Variants in HDAC6 observed in about 807,000 individuals in gnomAD.
HDAC6 encodes the protein histone deacetylase 6, also known as protein deacetylase HDAC6.
Under a neutral mutation model 88.9 loss-of-function variants are expected in HDAC6, and 5 were observed. That is an observed-to-expected ratio of 0.06 (90% CI 0.03 to 0.12). HDAC6 has a LOEUF of 0.12. Ranked by LOEUF, HDAC6 falls within the 10% of genes least tolerant of loss-of-function variation. The pLI is 1.00. For synonymous variants in HDAC6, 378 were observed against 398.0 expected (o/e 0.95, Z 0.60); for missense variants, 706 against 1,014.4 (o/e 0.70, Z 4.13).
chrX:48,819,587 AG>A (rs2063046996), intron 22 of HDAC6: 1 of 124,678 alleles, frequency 8.0e-6, no homozygotes, highest in African/African-American at 3.9e-5. Context: ...TCTGTCACCC[AG>A]GCTAGAGTGC....
intron 4 of HDAC6, chrX:48,803,460 C>T (rs1338825008): frequency 5.3e-6 from 2 of 376,939 alleles, no homozygotes; most frequent in East Asian, 4.5e-5. Flanking sequence ...TCTCTAGGAG[C>T]GGATTGATGA....
chrX:48,823,851 G>A (rs1168653181), intron 26 of HDAC6, 66 bp downstream of exon 26: 1 of 1,193,566 alleles, frequency 8.4e-7, no homozygotes, highest in African/African-American at 1.8e-5. Context: ...CCAGGTAGGA[G>A]CATGTGATGA....
chrX:48,810,696 C>T (rs2062889030), intron 10 of HDAC6: 1 of 108,287 alleles, frequency 9.2e-6, no homozygotes, highest in African/African-American at 3.4e-5. Context: ...GCAGCCTCGA[C>T]CTCCCGGGCT....
Position 48,814,384 on chromosome X carries a change from G to T in HDAC6, c.807-56G>T, listed in dbSNP as rs1239716429. The T allele has an allele frequency of 6.8e-6, 8 of 1,168,730 alleles. No individual in the cohort carries two copies. The East Asian group carries it at 1.2e-4, about 18-fold the overall frequency. On this transcript the variant is annotated intron_variant, in intron 10 of 28. Coordinates refer to ENST00000334136, the MANE Select transcript of HDAC6 (RefSeq NM_006044.4). ...GAAACTGGCAACTGTTGGGTTGGGG[G>T]TGTCTATGGGGATTGACTTCTCCAA...
At chrX:48,817,964 C>A in intron 20 of HDAC6, 77 bp from the exon 21 acceptor site, 1 of 938,115 alleles carries the variant, frequency 1.1e-6, no homozygotes, top group Non-Finnish European at 1.5e-6. Context: ...AATGCCCCTG[C>A]AGACCCCAGG....
In HDAC6 at chrX:48,822,787, G is replaced by A. The variant is rs2063104576; in HGVS notation, c.2505G>A (p.Arg835=). 8.4e-7 allele frequency: 1 copy of A among 1,190,317 alleles called. No homozygotes were observed. The highest frequency in any genetic ancestry group is 2.3e-5 in the Admixed American group (1 of 43,522). ...QVHRRYWRSL[R]VMKVEDREGP... is the part of the protein sequence containing the mutation. Reference sequence around the variant, plus strand: ...ATCGCAGATACTGGCGCAGCTTACGGGTCATGAGTGAGTGGATTTGGGGGT... The same window carrying A: ...ATCGCAGATACTGGCGCAGCTTACGAGTCATGAGTGAGTGGATTTGGGGGT... Residue 835 remains arginine (R), a synonymous_variant, in exon 24 of 29, where the codon CGG becomes CGA. Transcript: ENST00000334136.
chrX:48,824,638 C>G lies in HDAC6; in HGVS notation c.*26C>G. On this transcript the variant is annotated 3_prime_UTR_variant, in exon 29 of 29. Transcript: ENST00000334136. ...GCCCCAGAATACGGTCCCTCTTCAC[C>G]TTCTGAGGCCCACGATAGACCAGCT... The G allele has an allele frequency of 8.3e-7, 1 of 1,204,259 alleles. No individual in the cohort carries two copies. The highest frequency in any genetic ancestry group is 1.1e-6 in the Non-Finnish European group (1 of 890,466).
chrX:48,815,944 G>A lies in HDAC6; in HGVS notation c.1385G>A (p.Gly462Glu). The A allele has an allele frequency of 8.3e-7, 1 of 1,210,803 alleles. No homozygotes were observed. Among genetic ancestry groups the A allele is most frequent in the Non-Finnish European group, 1.1e-6 (1 of 894,763 alleles). ...EDNVEESEEE[G>E]PWEPPVLPIL... ...AATGTAGAGGAGAGCGAGGAGGAAG[G>A]ACCCTGGGAGCCCCCTGTGCTCCCA... is the stretch of plus-strand genomic sequence containing the variant. Residue 462 changes from glycine to glutamate, a missense_variant, in exon 17 of 29, where the codon GGA (glycine) becomes GAA (glutamate). Transcript: ENST00000334136.
intron 6 of HDAC6, 68 bp downstream of exon 6, chrX:48,805,739 G>C: frequency 1.1e-6 from 1 of 925,235 alleles, no homozygotes. Flanking sequence ...CAAGCTAAAC[G>C]CTTTGGGAAG....
At chrX:48,819,144 T>C (rs1239262131) in intron 22 of HDAC6, among the ~76,000 whole-genome samples, 1 of 112,448 alleles carries the variant, frequency 8.9e-6, no homozygotes, top group Non-Finnish European at 1.9e-5. Context: ...AACCAGCTCT[T>C]GTGGACATAC....
chrX:48,821,491 CT>C (rs869154128), intron 23 of HDAC6, among the ~76,000 whole-genome samples: 322 of 77,498 alleles, frequency 4.2e-3, no homozygotes, highest in Non-Finnish European at 4.7e-3. Context: ...ATACCTGCCT[CT>C]TTTTTTTTTT....
In HDAC6 at chrX:48,822,683, G is replaced by C. The variant is rs1345760217; in HGVS notation, c.2401G>C (p.Asp801His). ...MAACTRSLLG[D>H]PPPLLTLPRP... ...TGCCTGCACTCGCTCCCTCCTTGGA[G>C]ACCCACCACCCCTGCTGACCCTGCC... Residue 801 changes from aspartate to histidine, a missense_variant, in exon 24 of 29, where the codon GAC becomes CAC. Physicochemically the swap from Asp to His is moderately conservative, Grantham distance 81. This residue lies in a region of HDAC6 where 138 missense variants were observed against 303.5 expected (regional missense o/e 0.45). Coordinates refer to ENST00000334136, the MANE Select transcript of HDAC6 (RefSeq NM_006044.4). 1 of 1,206,883 alleles carries C rather than the reference G, an allele frequency of 8.3e-7. No homozygotes were observed. The highest frequency in any genetic ancestry group is 3.0e-5 in the East Asian group (1 of 33,686).
intron 22 of HDAC6, among the ~76,000 whole-genome samples, chrX:48,818,918 G>A: frequency 8.9e-6 from 1 of 112,263 alleles, no homozygotes; most frequent in East Asian, 2.8e-4. Flanking sequence ...CTGGCTGTTT[G>A]TGTGTATGTC....
At position 48,816,455 on chromosome X, in the gene HDAC6, G is replaced by C. The variant is rs372936089; in HGVS notation, c.1623-10G>C. 10 of 1,193,221 alleles carry C rather than the reference G, an allele frequency of 8.4e-6. No homozygotes were observed. The highest frequency in any genetic ancestry group is 3.5e-5 in the African/African-American group (2 of 56,903). The stretch of plus-strand genomic sequence containing the variant: ...CACTGTCCTGCGGGTGCTCCTCTCT[G>C]TGCTTCCAGTGCTGAGTACGTGGGT... On this transcript the variant is annotated splice_polypyrimidine_tract_variant and intron_variant, in intron 18 of 28. Transcript: ENST00000334136.
In HDAC6 at chrX:48,806,685, G is replaced by A. The variant is rs1435583369; in HGVS notation, c.611G>A (p.Arg204Gln). Residue 204 changes from arginine (R) to glutamine (Q), a missense_variant, in exon 8 of 29, where the codon CGG becomes CAG. Physicochemically the swap from Arg to Gln is conservative, Grantham distance 43. Around this residue, in one of 9 missense-constraint regions of HDAC6, gnomAD observed 193 missense variants for 258.2 expected, o/e 0.75. Transcript: ENST00000334136. Reference sequence around the variant, plus strand: ...GATGCGGTCCTGGGGGCTGAGATCCGGAATGGCATGGCCATCATTAGGTAG... The same window carrying A: ...GATGCGGTCCTGGGGGCTGAGATCCAGAATGGCATGGCCATCATTAGGTAG... ...LVDAVLGAEIRNGMAIIRPPG... is the reference protein window; with the variant it reads ...LVDAVLGAEIQNGMAIIRPPG... 11 of 1,196,919 alleles carry A rather than the reference G, an allele frequency of 9.2e-6. No homozygotes were observed. The highest frequency in any genetic ancestry group is 1.8e-5 in the African/African-American group (1 of 57,057).
chrX:48,814,942 G>A lies in HDAC6; in HGVS notation c.1060-20G>A. 8.3e-7 allele frequency: 1 copy of A among 1,208,641 alleles called. No individual in the cohort carries two copies. The highest frequency in any genetic ancestry group is 1.1e-6 in the Non-Finnish European group (1 of 893,142). On this transcript the variant is annotated intron_variant, in intron 13 of 28. Coordinates refer to ENST00000334136, the MANE Select transcript of HDAC6 (RefSeq NM_006044.4). ...CAGGTGGGTTGCATGGAGCCAGGCT[G>A]ACCCTCCATGTCCCCCCAGGGTGAG...
intron 10 of HDAC6, among the ~76,000 whole-genome samples, chrX:48,811,226 C>G (rs1457966402): frequency 2.7e-5 from 3 of 111,872 alleles, no homozygotes; most frequent in Non-Finnish European, 5.6e-5. Flanking sequence ...ATCGCTTGAA[C>G]CCAGGAGGCG....
At chrX:48,817,879 C>T (rs1204201009) in intron 20 of HDAC6, 162 bp from the exon 21 acceptor site, 9 of 497,228 alleles carry the variant, frequency 1.8e-5, no homozygotes, top group African/African-American at 4.7e-5. Flanking sequence ...TCAGGCCTAC[C>T]GGGCAGCCCT....
chrX:48,803,106 T>TC (rs1239154326), intron 3 of HDAC6, 22 bp from the exon 4 acceptor site: 1 of 1,197,386 alleles, frequency 8.4e-7, no homozygotes, highest in Non-Finnish European at 1.1e-6. Flanking sequence ...GATCTGTGTC[T>TC]CCTTTTTTTT....
Sources: gnomAD v4.1 joint callset for allele counts (sites outside exome capture counted in the v4.1 genomes callset) on GRCh38, gnomAD v4.1.1 for gene constraint, gnomAD v4.1.1 regional missense constraint, MANE v1.5 for transcripts, NCBI Gene and HGNC (gene_info 2026-07-23, HGNC 2026-07-21) for gene names.